The following CLHC1 variants were observed in gnomAD, a reference collection of about 807,000 sequenced individuals.
CLHC1 encodes the protein clathrin heavy chain linker domain-containing protein 1.
Under a neutral mutation model 69.5 loss-of-function variants are expected in CLHC1, and 72 were observed. The observed-to-expected ratio is 1.04, with a 90% CI of 0.86 to 1.26. The LOEUF (loss-of-function observed/expected upper bound fraction) is 1.26, where lower values mean the gene tolerates loss of function less well. Among genes scored for constraint, CLHC1 ranks in the 50% most tolerant of loss-of-function variants. The pLI, the probability that CLHC1 is intolerant of heterozygous loss-of-function variation, is 0.00. For synonymous variants in CLHC1, 223 were observed against 224.3 expected (o/e 0.99, Z 0.05); for missense variants, 790 against 679.3 (o/e 1.16, Z -1.81).
chr2:55,205,907 A>AC (rs1672396325), intron 9 of CLHC1, among the ~76,000 whole-genome samples: 1 of 151,718 alleles, frequency 6.6e-6, no homozygotes, highest in African/African-American at 2.4e-5. Flanking sequence ...AAAAAAAAAA[A>AC]CTTACCAAAT....
intron 9 of CLHC1, among the ~76,000 whole-genome samples, chr2:55,188,084 T>C (rs976253216): frequency 7.2e-5 from 11 of 151,956 alleles, no homozygotes; most frequent in Admixed American, 2.0e-4. Context: ...GAGGCCAAGG[T>C]GGGAGGATGG....
intron 9 of CLHC1, among the ~76,000 whole-genome samples, chr2:55,202,947 A>C (rs1573684341): frequency 6.6e-6 from 1 of 152,138 alleles, no homozygotes; most frequent in East Asian, 1.9e-4. Context: ...GTGAAGTTGA[A>C]AGATACAAAA....
At chr2:55,212,255 G>A (rs1456402937) in intron 5 of CLHC1, among the ~76,000 whole-genome samples, 3 of 152,202 alleles carry the variant, frequency 2.0e-5, no homozygotes, top group Non-Finnish European at 4.4e-5. Flanking sequence ...CCCAGCCTGG[G>A]TGACGGAGAG....
intron 3 of CLHC1, 183 bp from the exon 4 acceptor site, chr2:55,218,181 C>T (rs1024872929): frequency 2.5e-6 from 1 of 407,722 alleles, no homozygotes; most frequent in Non-Finnish European, 4.3e-6. Context: ...TAAACATGTG[C>T]TCTTTGTGGA....
Position 55,180,731 on chromosome 2 carries a change from TAA to T in CLHC1, c.1182-21_1182-20del, listed in dbSNP as rs1182150776. On this transcript the variant is annotated intron_variant, in intron 10 of 12. Coordinates refer to ENST00000401408, the MANE Select transcript of CLHC1 (RefSeq NM_152385.4). Reference sequence around the variant, plus strand: ...TGTCAGTCTAGAACAAGCAGATCAATAAGACATATGTTAGAAAATTCCTGATG... The same window carrying T: ...TGTCAGTCTAGAACAAGCAGATCAATGACATATGTTAGAAAATTCCTGATG... 6.2e-7 allele frequency: 1 copy of T among 1,605,552 alleles called. No individual in the cohort carries two copies. The highest frequency in any genetic ancestry group is 8.5e-7 in the Non-Finnish European group (1 of 1,172,614).
chr2:55,223,630 G>A, intron 2 of CLHC1, among the ~76,000 whole-genome samples: 1 of 152,142 alleles, frequency 6.6e-6, no homozygotes, highest in Non-Finnish European at 1.5e-5. Context: ...CGGCTCTGGG[G>A]CGAGGGAGGG....
intron 5 of CLHC1, among the ~76,000 whole-genome samples, chr2:55,211,487 G>C (rs949320863): frequency 5.4e-5 from 7 of 130,522 alleles, no homozygotes; most frequent in Admixed American, 8.5e-5. Flanking sequence ...GGGTGACAGA[G>C]CGAGACTATG....
rs1273355019 is a variant in CLHC1, at chr2:55,194,549, C to G, written c.1006+11721G>C. Among the ~76,000 whole-genome samples the G allele has an allele frequency of 2.0e-5, 3 of 146,784 alleles. No homozygotes were observed. In the South Asian group the frequency reaches 6.4e-4, roughly 31 times the overall value. ...ACTGTATTGGAGAATTTAGCCAGTA[C>G]AATAAAGCAAGAAAAAAAAAAAGTC... On this transcript the variant is annotated intron_variant, in intron 9 of 12. Coordinates refer to ENST00000401408, the MANE Select transcript of CLHC1 (RefSeq NM_152385.4).
chr2:55,205,205 G>C (rs190610216), intron 9 of CLHC1, among the ~76,000 whole-genome samples: 1 of 152,212 alleles, frequency 6.6e-6, no homozygotes, highest in Non-Finnish European at 1.5e-5. Flanking sequence ...ATACAGTATG[G>C]AAATTTCTCA....
At position 55,197,338 on chromosome 2, in the gene CLHC1, C is replaced by T. The variant is rs1199305654; in HGVS notation, c.1006+8932G>A. The stretch of plus-strand genomic sequence containing the variant: ...ACCTGTTGATTGTAGAGCCCTAGGG[C>T]CTTCAGCAAATGTAGGAGGTAGCCA... On this transcript the variant is annotated intron_variant, in intron 9 of 12. Coordinates refer to ENST00000401408, the MANE Select transcript of CLHC1 (RefSeq NM_152385.4). Among the ~76,000 whole-genome samples, 8 of 152,294 alleles carry T rather than the reference C, an allele frequency of 5.3e-5. No homozygotes were observed. The East Asian group carries it at 1.5e-3, about 29-fold the overall frequency.
At chr2:55,177,952 C>CA (rs34877029) in intron 11 of CLHC1, among the ~76,000 whole-genome samples, 171 bp from the exon 12 acceptor site, 71,881 of 151,414 alleles carry the variant, frequency 0.47, 17,532 homozygotes, top group Non-Finnish European at 0.53. Context: ...TAGCCCCCGT[C>CA]AAAAAAAATC....
intron 5 of CLHC1, among the ~76,000 whole-genome samples, chr2:55,210,155 A>G (rs1489790262): frequency 6.6e-6 from 1 of 151,448 alleles, no homozygotes; most frequent in African/African-American, 2.4e-5. Flanking sequence ...CCACTGTGCC[A>G]GGCCAGGCTA....
chr2:55,177,259 A>T (rs1479648514), intron 12 of CLHC1, among the ~76,000 whole-genome samples: 1 of 152,206 alleles, frequency 6.6e-6, no homozygotes, highest in African/African-American at 2.4e-5. Flanking sequence ...TAGGAATTAA[A>T]ACATATAGTT....
chr2:55,206,227 G>A, intron 9 of CLHC1, 43 bp downstream of exon 9: 1 of 1,164,118 alleles, frequency 8.6e-7, no homozygotes, highest in African/African-American at 1.5e-5. Context: ...AGAAAAAGTA[G>A]TAAATTTTCA....
Position 55,177,715 on chromosome 2 carries a change from A to G in CLHC1, c.1451T>C (p.Leu484Ser). Residue 484 changes from leucine to serine, a missense_variant, in exon 12 of 13, where the codon TTG becomes TCG. Transcript: ENST00000401408. Reference protein sequence around the residue: ...VELIQCLTKELNEKQPSLSFG... With the variant: ...VELIQCLTKESNEKQPSLSFG... ...AGATAAAGATGGTTGTTTCTCATTC[A>G]ACTCTTTAGTGAGACACTGAATTAA... 1 of 1,613,400 alleles carries G rather than the reference A, an allele frequency of 6.2e-7. No individual in the cohort carries two copies. The highest frequency in any genetic ancestry group is 1.1e-5 in the South Asian group (1 of 91,032).
chr2:55,202,033 T>A (rs1671990976), intron 9 of CLHC1, among the ~76,000 whole-genome samples: 1 of 152,102 alleles, frequency 6.6e-6, no homozygotes, highest in African/African-American at 2.4e-5. Flanking sequence ...AAGCCATATA[T>A]GACAGAACCA....
At chr2:55,217,508 A>T (rs1673640204) in intron 4 of CLHC1, among the ~76,000 whole-genome samples, 1 of 126,326 alleles carries the variant, frequency 7.9e-6, no homozygotes, top group Non-Finnish European at 1.6e-5. Context: ...GGGCAACAAG[A>T]GTGAAACCCT....
chr2:55,223,161 C>A (rs1483857565), intron 2 of CLHC1, among the ~76,000 whole-genome samples: 1 of 152,078 alleles, frequency 6.6e-6, no homozygotes, highest in Non-Finnish European at 1.5e-5. Context: ...CCTCTTGACA[C>A]AAACAAGGTC....
intron 4 of CLHC1, among the ~76,000 whole-genome samples, chr2:55,215,434 C>T (rs1460599197): frequency 4.6e-5 from 7 of 152,178 alleles, no homozygotes; most frequent in Admixed American, 4.6e-4. Context: ...AGTTCACATA[C>T]TTCAAGAATC....
Sources: gnomAD v4.1 joint callset for allele counts (sites outside exome capture counted in the v4.1 genomes callset) on GRCh38, gnomAD v4.1.1 for gene constraint, MANE v1.5 for transcripts, NCBI Gene and HGNC (gene_info 2026-07-23, HGNC 2026-07-21) for gene names.